Variants in PDE4D observed in about 807,000 individuals in gnomAD.
PDE4D encodes the protein 3',5'-cyclic-AMP phosphodiesterase 4D.
In PDE4D, 24 loss-of-function variants were observed where a neutral mutation model predicts 87.4. The observed-to-expected ratio is 0.27, with a 90% CI of 0.20 to 0.39. The LOEUF is 0.39. Among genes scored for constraint, PDE4D ranks in the 10% least tolerant of loss-of-function variants. PDE4D has a pLI of 1.00. For missense variants in PDE4D, 714 were observed against 1,041.0 expected, an observed-to-expected ratio of 0.69 and a Z score of 4.32; for synonymous variants, 384 against 383.2, an observed-to-expected ratio of 1.00 and a Z score of -0.02.
At chr5:59,949,748 ACT>A (rs1322379671) in intron 3 of PDE4D, among the ~76,000 whole-genome samples, 5 of 152,122 alleles carry the variant, frequency 3.3e-5, no homozygotes, top group African/African-American at 1.2e-4. Flanking sequence ...TGCATTATCT[ACT>A]CTCTAAATCC....
intron 1 of PDE4D, among the ~76,000 whole-genome samples, chr5:60,234,017 C>T (rs375184432): frequency 6.6e-6 from 1 of 151,774 alleles, no homozygotes; most frequent in Non-Finnish European, 1.5e-5. Context: ...ACAATTCAGT[C>T]GTTTCTACAA....
chr5:60,480,402 A>G (rs1486638377), intron 1 of PDE4D, among the ~76,000 whole-genome samples: 1 of 152,118 alleles, frequency 6.6e-6, no homozygotes, highest in Non-Finnish European at 1.5e-5. Flanking sequence ...CATTTTACGT[A>G]TATTAATTTA....
rs1024496092 is a variant in PDE4D at position 60,374,351 on chromosome 5, A to C, written c.-90+113591T>G. 3.3e-5 allele frequency among the ~76,000 whole-genome samples: 5 copies of C among 152,238 alleles called. 1 individual carries two copies. The highest frequency in any genetic ancestry group is 3.3e-4 in the Admixed American group (5 of 15,282). On this transcript the variant is annotated intron_variant, in intron 1 of 16. Coordinates refer to the PDE4D transcript ENST00000502484. Reference sequence around the variant, plus strand: ...AAGAAGGGAGGAGAAAAAGGAGAGCAAAAAAGAATGGCACTAGCTACAGTT... The same window carrying C: ...AAGAAGGGAGGAGAAAAAGGAGAGCCAAAAAGAATGGCACTAGCTACAGTT...
intron 1 of PDE4D, among the ~76,000 whole-genome samples, chr5:59,400,310 A>C (rs1415529500): frequency 8.7e-6 from 1 of 114,858 alleles, no homozygotes; most frequent in Non-Finnish European, 1.7e-5. Flanking sequence ...ATTATTCACA[A>C]TAGCAAAGAC....
At chr5:58,984,244 C>CA in intron 11 of PDE4D, among the ~76,000 whole-genome samples, 1 of 152,328 alleles carries the variant, frequency 6.6e-6, no homozygotes, top group East Asian at 1.9e-4. Context: ...CCTCATTCAT[C>CA]ACTCCACTCT....
chr5:60,385,484 T>G (rs1039363738), intron 1 of PDE4D, among the ~76,000 whole-genome samples: 2 of 152,230 alleles, frequency 1.3e-5, no homozygotes, highest in Admixed American at 1.3e-4. Context: ...TCTCTGAGAC[T>G]TGTAGCTGTT....
intron 1 of PDE4D, among the ~76,000 whole-genome samples, chr5:59,236,715 G>C (rs548847363): frequency 6.6e-6 from 1 of 152,052 alleles, no homozygotes; most frequent in South Asian, 2.1e-4. Context: ...CACATGCCCA[G>C]CTCTTCAACA....
At chr5:59,589,447 T>G (rs1288853006) in intron 1 of PDE4D, among the ~76,000 whole-genome samples, 1 of 152,190 alleles carries the variant, frequency 6.6e-6, no homozygotes, top group Non-Finnish European at 1.5e-5. Flanking sequence ...TGGTTAGTGA[T>G]CTTTGATCAT....
chr5:59,065,367 A>G (rs1040403731), intron 5 of PDE4D, among the ~76,000 whole-genome samples: 7 of 152,154 alleles, frequency 4.6e-5, no homozygotes, highest in African/African-American at 1.4e-4. Context: ...AGGGTTACAA[A>G]GTTTTAGTCT....
rs534568732 is a variant in PDE4D, at chr5:60,346,785, C to T, written c.-90+141157G>A. ...CTCTTACATTTCATGATTTTGATTCCTTAGTAAAGCATTGTTTTTCAATGC... is the reference window on the plus strand; with the variant it reads ...CTCTTACATTTCATGATTTTGATTCTTTAGTAAAGCATTGTTTTTCAATGC... On this transcript the variant is annotated intron_variant, in intron 1 of 16. Coordinates refer to the PDE4D transcript ENST00000502484. 1.2e-4 allele frequency among the ~76,000 whole-genome samples: 18 copies of T among 152,236 alleles called. No homozygotes were observed. The South Asian group carries it at 2.1e-3, about 18-fold the overall frequency.
At chr5:60,510,648 G>A (rs1474903750) in intron 1 of PDE4D, among the ~76,000 whole-genome samples, 2 of 152,194 alleles carry the variant, frequency 1.3e-5, no homozygotes, top group Admixed American at 6.5e-5. Flanking sequence ...GCAAGAGTAC[G>A]GAGGGCCTTA....
intron 3 of PDE4D, among the ~76,000 whole-genome samples, chr5:59,960,661 A>G (rs1759366199): frequency 6.6e-6 from 1 of 152,144 alleles, no homozygotes; most frequent in Admixed American, 6.6e-5. Context: ...AAATTTGCAT[A>G]CACACATACA....
intron 2 of PDE4D, among the ~76,000 whole-genome samples, chr5:60,162,619 G>A (rs1370522301): frequency 3.3e-5 from 5 of 152,108 alleles, no homozygotes; most frequent in Non-Finnish European, 7.4e-5. Flanking sequence ...TGGGGAGCTT[G>A]TTTAACTGTG....
At chr5:59,200,686 T>C (rs895922099) in intron 2 of PDE4D, among the ~76,000 whole-genome samples, 1 of 94,760 alleles carries the variant, frequency 1.1e-5, no homozygotes, top group Non-Finnish European at 2.2e-5. Flanking sequence ...CACGTATACA[T>C]ACATATGTGT....
intron 11 of PDE4D, among the ~76,000 whole-genome samples, chr5:58,981,959 C>T (rs1745267415): frequency 6.6e-6 from 1 of 152,188 alleles, no homozygotes; most frequent in African/African-American, 2.4e-5. Flanking sequence ...CCAGTCAACA[C>T]TGTAATGCCC....
At chr5:59,987,641 T>C (rs1410526889) in intron 3 of PDE4D, 1 of 152,224 alleles carries the variant, frequency 6.6e-6, no homozygotes, top group African/African-American at 2.4e-5. Flanking sequence ...GCATAGTAAT[T>C]GTTTTGTTCT....
intron 5 of PDE4D, among the ~76,000 whole-genome samples, chr5:59,122,896 TTGAAAAA>T (rs1449534743): frequency 7.2e-5 from 11 of 152,184 alleles, no homozygotes; most frequent in African/African-American, 1.2e-4. Flanking sequence ...GAAACAGGTT[TTGAAAAA>T]AATTCTATGC....
At chr5:60,207,406 C>T (rs1742673735) in intron 1 of PDE4D, among the ~76,000 whole-genome samples, 1 of 152,120 alleles carries the variant, frequency 6.6e-6, no homozygotes, top group South Asian at 2.1e-4. Context: ...CATGGCAGGG[C>T]CCTACTTTAA....
chr5:60,051,857 A>T (rs1158037549), intron 2 of PDE4D, among the ~76,000 whole-genome samples: 1 of 152,222 alleles, frequency 6.6e-6, no homozygotes, highest in Non-Finnish European at 1.5e-5. Context: ...GATAAAGGGG[A>T]TATCACCACT....
Sources: gnomAD v4.1 joint callset for allele counts (sites outside exome capture counted in the v4.1 genomes callset) on GRCh38, gnomAD v4.1.1 for gene constraint, MANE v1.5 for transcripts, NCBI Gene and HGNC (gene_info 2026-07-23, HGNC 2026-07-21) for gene names.